Variants in SLC44A3 observed in about 807,000 individuals in gnomAD.
SLC44A3 encodes the protein solute carrier family 44 member 3.
A neutral mutation model predicts 75.4 loss-of-function variants in SLC44A3; 74 were observed. The observed-to-expected ratio is 0.98, with a 90% confidence interval of 0.81 to 1.19. The LOEUF (loss-of-function observed/expected upper bound fraction) is 1.19, where lower values mean the gene tolerates loss of function less well. Ranked by LOEUF, SLC44A3 falls within the 50% of genes most tolerant of loss-of-function variation. SLC44A3 has a pLI of 0.00. For synonymous variants in SLC44A3, 310 were observed against 296.9 expected (o/e 1.04, Z -0.45); for missense variants, 700 against 778.6 (o/e 0.90, Z 1.20).
At chr1:94,868,511 A>G (rs966922833) in intron 12 of SLC44A3, among the ~76,000 whole-genome samples, 1 of 152,242 alleles carries the variant, frequency 6.6e-6, no homozygotes, top group Non-Finnish European at 1.5e-5. Context: ...CATGTATAAA[A>G]CACAATCAAA....
intron 5 of SLC44A3, among the ~76,000 whole-genome samples, chr1:94,834,558 C>T (rs1339123860): frequency 6.6e-6 from 1 of 152,052 alleles, no homozygotes; most frequent in Non-Finnish European, 1.5e-5. Flanking sequence ...GATCTCAGCT[C>T]ACTGCAACCT....
At chr1:94,867,050 T>C (rs1478652392) in intron 11 of SLC44A3, among the ~76,000 whole-genome samples, 1 of 152,138 alleles carries the variant, frequency 6.6e-6, no homozygotes, top group Non-Finnish European at 1.5e-5. Context: ...AGGTTTTTTT[T>C]TTTACTGGAA....
chr1:94,853,006 G>A (rs192103913), intron 9 of SLC44A3, among the ~76,000 whole-genome samples: 1 of 152,334 alleles, frequency 6.6e-6, no homozygotes, highest in East Asian at 1.9e-4. Context: ...TCCTGGCTGG[G>A]ATTCACATTT....
At chr1:94,861,762 A>G (rs1666604931) in intron 10 of SLC44A3, among the ~76,000 whole-genome samples, 2 of 152,200 alleles carry the variant, frequency 1.3e-5, no homozygotes, top group South Asian at 4.1e-4. Context: ...TGAAGAGTTC[A>G]TACAAATACC....
intron 12 of SLC44A3, among the ~76,000 whole-genome samples, chr1:94,879,305 G>A (rs1259972206): frequency 3.3e-5 from 5 of 151,870 alleles, no homozygotes; most frequent in Admixed American, 6.6e-5. Context: ...AGGCTGAAGC[G>A]GGCAGATCAT....
intron 5 of SLC44A3, among the ~76,000 whole-genome samples, chr1:94,832,064 A>C (rs1267612272): frequency 6.6e-6 from 1 of 151,890 alleles, no homozygotes; most frequent in Non-Finnish European, 1.5e-5. Flanking sequence ...CTACTTGGGG[A>C]GGCTGAGGCA....
chr1:94,877,199 G>C (rs1418452066), intron 12 of SLC44A3, among the ~76,000 whole-genome samples: 1 of 140,454 alleles, frequency 7.1e-6, no homozygotes, highest in Non-Finnish European at 1.6e-5. Context: ...TCTTCCCCCA[G>C]CCCAGGAGAG....
chr1:94,837,096 A>T (rs1392976793), intron 5 of SLC44A3, among the ~76,000 whole-genome samples: 1 of 152,172 alleles, frequency 6.6e-6, no homozygotes, highest in African/African-American at 2.4e-5. Context: ...AATCCCATAC[A>T]TGACCCCACT....
chr1:94,882,496 G>T (rs1669113493), intron 12 of SLC44A3, among the ~76,000 whole-genome samples: 1 of 152,184 alleles, frequency 6.6e-6, no homozygotes, highest in Non-Finnish European at 1.5e-5. Flanking sequence ...GCCAGGCCTT[G>T]CTTCTGATTT....
rs572377724 is a variant in SLC44A3, at chr1:94,835,230, G to T, written c.510-2481G>T. Among the ~76,000 whole-genome samples the T allele has an allele frequency of 2.6e-5, 4 of 152,308 alleles. No individual in the cohort carries two copies. In the South Asian group the frequency reaches 8.3e-4, roughly 32 times the overall value. ...TTTGAGAGGCAGAGGTGGGAGGATGGCTTGAGCTCAGGAGTTCAAGACCAG... is the reference window on the plus strand; with the variant it reads ...TTTGAGAGGCAGAGGTGGGAGGATGTCTTGAGCTCAGGAGTTCAAGACCAG... On this transcript the variant is annotated intron_variant, in intron 5 of 14. Transcript: ENST00000271227.
At chr1:94,858,451 G>C (rs776156728) in intron 10 of SLC44A3, among the ~76,000 whole-genome samples, 2 of 152,112 alleles carry the variant, frequency 1.3e-5, no homozygotes, top group Non-Finnish European at 2.9e-5. Flanking sequence ...CTGTGTGTGT[G>C]ACTCACCCCA....
Position 94,845,396 on chromosome 1 carries a change from G to A in SLC44A3, c.1004G>A (p.Trp335Ter). Reference sequence around the variant, plus strand: ...CCCTTCCTGCTGTTCCAGCCACTGTGGACATTTGCCATCCTCATTTTCTTC... The same window carrying A: ...CCCTTCCTGCTGTTCCAGCCACTGTAGACATTTGCCATCCTCATTTTCTTC... ...SAPFLLFQPL[W>*]TFAILIFFWV... is the part of the protein sequence containing the mutation. Residue 335 changes from tryptophan to a stop codon, truncating the protein, a stop_gained, in exon 9 of 15, where the codon TGG (tryptophan) becomes TAG (stop). Transcript: ENST00000271227. LOFTEE classifies it high-confidence loss of function. 6.2e-7 allele frequency: 1 copy of A among 1,614,074 alleles called. No homozygotes were observed. Among genetic ancestry groups the A allele is most frequent in the Non-Finnish European group, 8.5e-7 (1 of 1,180,032 alleles).
Position 94,892,496 on chromosome 1 carries a change from C to T in SLC44A3, c.1836C>T (p.Tyr612=). ...ATGATGGATCGTCAGAAAAGCCCTA[C>T]TTTATGGATCAAGAATTTCTGGTAA... ...ETNDGSSEKP[Y]FMDQEFLSFV... is the part of the protein sequence containing the mutation. Residue 612 remains tyrosine (Y), a synonymous_variant, in exon 14 of 15, where the codon TAC becomes TAT. Transcript: ENST00000271227. The T allele has an allele frequency of 6.2e-7, 1 of 1,614,018 alleles. No individual in the cohort carries two copies. The highest frequency in any genetic ancestry group is 8.5e-7 in the Non-Finnish European group (1 of 1,180,002).
intron 3 of SLC44A3, chr1:94,826,089 G>A (rs1371974265): frequency 2.3e-5 from 8 of 344,360 alleles, no homozygotes; most frequent in Non-Finnish European, 4.1e-5. Flanking sequence ...ACTACAACAG[G>A]GATGAACCCT....
At chr1:94,828,261 T>C (rs1661644004) in intron 4 of SLC44A3, among the ~76,000 whole-genome samples, 1 of 152,212 alleles carries the variant, frequency 6.6e-6, no homozygotes, top group African/African-American at 2.4e-5. Flanking sequence ...ATGCTTCAGA[T>C]TATTTTAGGA....
In SLC44A3 at chr1:94,872,694, C is replaced by G. The variant is rs147546467; in HGVS notation, c.1482+5277C>G. Among the ~76,000 whole-genome samples the G allele has an allele frequency of 2.9e-4, 44 of 152,312 alleles. No individual in the cohort carries two copies. The East Asian group carries it at 7.7e-3, about 27-fold the overall frequency. Reference sequence around the variant, plus strand: ...ATGAAAGGGTTAGATTCAGTGACCCCCAAGGTTCTTATGTGGCTTTTTGAC... The same window carrying G: ...ATGAAAGGGTTAGATTCAGTGACCCGCAAGGTTCTTATGTGGCTTTTTGAC... On this transcript the variant is annotated intron_variant, in intron 12 of 14. Transcript: ENST00000271227.
intron 9 of SLC44A3, among the ~76,000 whole-genome samples, chr1:94,854,865 A>G (rs1665674385): frequency 6.6e-6 from 1 of 152,028 alleles, no homozygotes; most frequent in African/African-American, 2.4e-5. Flanking sequence ...AACACCCTCC[A>G]GTGCGCAGGA....
In SLC44A3 at chr1:94,845,483, G is replaced by A; in HGVS notation, c.1072+19G>A. On this transcript the variant is annotated intron_variant, in intron 9 of 14. Coordinates refer to ENST00000271227, the MANE Select transcript of SLC44A3 (RefSeq NM_001114106.3). ...ACTGCAGGTAAGGGACAGTGGGTGT[G>A]GGTTCCATCACCTTGGAGTCATACA... 6.3e-7 allele frequency: 1 copy of A among 1,596,858 alleles called. No homozygotes were observed. The highest frequency in any genetic ancestry group is 1.7e-5 in the Admixed American group (1 of 58,404).
intron 4 of SLC44A3, among the ~76,000 whole-genome samples, chr1:94,828,003 C>T (rs971990713): frequency 4.3e-4 from 65 of 152,220 alleles, no homozygotes; most frequent in African/African-American, 1.5e-3. Context: ...TAGAGATGTA[C>T]GTGCAGGCTG....
Sources: allele counts gnomAD v4.1 joint callset (sites outside exome capture counted in the v4.1 genomes callset), GRCh38; gene constraint gnomAD v4.1.1; transcripts MANE v1.5; gene names NCBI Gene and HGNC (gene_info 2026-07-23, HGNC 2026-07-21).